COL5A1: variants seen among roughly 807,000 people sequenced by gnomAD.
COL5A1 encodes the protein collagen alpha-1(V) chain.
A neutral mutation model predicts 263.7 loss-of-function variants in COL5A1; 16 were observed. The ratio of observed to expected loss-of-function variants is 0.06; its 90% confidence interval spans 0.04 to 0.09. COL5A1 has a LOEUF of 0.09. Ranked by LOEUF, COL5A1 falls within the 10% of genes least tolerant of loss-of-function variation. The pLI is 1.00. For synonymous variants in COL5A1, 1,012 were observed against 1,004.5 expected (o/e 1.01, Z -0.14); for missense variants, 2,036 against 2,540.5 (o/e 0.80, Z 4.27).
intron 64 of COL5A1, among the ~76,000 whole-genome samples, chr9:134,832,163 T>C (rs1251981519): frequency 6.6e-6 from 1 of 152,098 alleles, no homozygotes; most frequent in Admixed American, 6.5e-5. Flanking sequence ...CCCAGCACTT[T>C]GGGAGGCTGA....
In COL5A1 at chr9:134,761,920, C is replaced by A. The variant is rs1280597047; in HGVS notation, c.1936-5C>A. 6.2e-7 allele frequency: 1 copy of A among 1,613,114 alleles called. No individual in the cohort carries two copies. The highest frequency in any genetic ancestry group is 1.3e-5 in the African/African-American group (1 of 74,902). On this transcript the variant is annotated splice_polypyrimidine_tract_variant and splice_region_variant and intron_variant, in intron 18 of 65. Coordinates refer to ENST00000371817, the MANE Select transcript of COL5A1 (RefSeq NM_000093.5). ...GAGGCTGACGTTGACCCTTTCACTT[C>A]CTAGGGTGACCCTGGTCCTTCCGGC...
At chr9:134,747,804 C>A (rs1216979625) in intron 11 of COL5A1, among the ~76,000 whole-genome samples, 1 of 146,298 alleles carries the variant, frequency 6.8e-6, no homozygotes, top group Non-Finnish European at 1.5e-5. Flanking sequence ...TACACACATG[C>A]AGACACATGC....
At chr9:134,746,275 C>A (rs1835509737) in intron 11 of COL5A1, among the ~76,000 whole-genome samples, 1 of 152,208 alleles carries the variant, frequency 6.6e-6, no homozygotes, top group African/African-American at 2.4e-5. Context: ...TGGAGAGACG[C>A]CTGCACACTG....
At position 134,825,911 on chromosome 9, in the gene COL5A1, A is replaced by G. The variant is rs374122742; in HGVS notation, c.5067+7A>G. The G allele has an allele frequency of 2.3e-5, 37 of 1,598,416 alleles. No individual in the cohort carries two copies. Among genetic ancestry groups the G allele is most frequent in the Non-Finnish European group, 3.1e-5 (36 of 1,166,392 alleles). On this transcript the variant is annotated splice_region_variant and intron_variant, in intron 63 of 65. Transcript: ENST00000371817. ...TGACAAGAAGTCCGAAGGGGTGAGT[A>G]GCTGTGTCCCTCCATGGCCCCAGCG...
chr9:134,701,445 T>C, intron 4 of COL5A1, 112 bp downstream of exon 4: 1 of 1,040,018 alleles, frequency 9.6e-7, no homozygotes, highest in South Asian at 1.4e-5. Context: ...GGCGGTCCAC[T>C]GTGGTCACCG....
At chr9:134,788,569 A>G (rs541070541) in intron 31 of COL5A1, among the ~76,000 whole-genome samples, 76 of 140,664 alleles carry the variant, frequency 5.4e-4, no homozygotes, top group Admixed American at 1.1e-3. Flanking sequence ...GATGGAATGA[A>G]TGGGTAGGTG....
At chr9:134,749,244 CAAAA>C (rs559744305) in intron 11 of COL5A1, among the ~76,000 whole-genome samples, 5 of 151,750 alleles carry the variant, frequency 3.3e-5, no homozygotes, top group Admixed American at 1.3e-4. Context: ...CAAAACAAAA[CAAAA>C]AAAACAAAAC....
At position 134,819,979 on chromosome 9, in the gene COL5A1, G is replaced by A. The variant is rs567779843; in HGVS notation, c.4447-137G>A. On this transcript the variant is annotated intron_variant, in intron 57 of 65. Transcript: ENST00000371817. ...GTCACCTGGCCCCTCTGTTGAGCCTGTTCCCCTTCCAGGGGAGGCTGACCA... is the reference window on the plus strand; with the variant it reads ...GTCACCTGGCCCCTCTGTTGAGCCTATTCCCCTTCCAGGGGAGGCTGACCA... The A allele has an allele frequency of 2.0e-3, 1,558 of 767,388 alleles. 5 individuals are homozygous for A. The highest frequency in any genetic ancestry group is 4.0e-3 in the South Asian group (288 of 71,532). The allele number at this position is 767,388 out of a possible 1,614,324, so 47.5% of individuals were successfully genotyped here. A position where few individuals can be genotyped will look rare whatever the true frequency, so the allele number is the denominator to read the frequency against.
At chr9:134,774,991 G>A (rs1315769085) in intron 27 of COL5A1, 79 bp downstream of exon 27, 31 of 1,326,436 alleles carry the variant, frequency 2.3e-5, no homozygotes, top group African/African-American at 5.8e-5. Context: ...CTGGTTTTAG[G>A]GAATTCTCTG....
rs912798375 is a variant in COL5A1 at position 134,652,556 on chromosome 9, G to A, written c.109+10260G>A. The stretch of plus-strand genomic sequence containing the variant: ...TCTGATTGTCGCACCTGGGGTGGGG[G>A]CAGGGCTATCGGCCTGTAGTTGGGG... On this transcript the variant is annotated intron_variant, in intron 1 of 65. Coordinates refer to ENST00000371817, the MANE Select transcript of COL5A1 (RefSeq NM_000093.5). The surrounding 1 kb of genome is among the most constrained non-coding windows in gnomAD (Gnocchi z 4.4). Among the ~76,000 whole-genome samples the A allele has an allele frequency of 7.9e-5, 12 of 152,248 alleles. No individual in the cohort carries two copies. Among genetic ancestry groups the A allele is most frequent in the African/African-American group, 2.4e-4 (10 of 41,542 alleles).
chr9:134,675,896 C>A (rs769851990), intron 1 of COL5A1, among the ~76,000 whole-genome samples: 1 of 152,200 alleles, frequency 6.6e-6, no homozygotes, highest in Non-Finnish European at 1.5e-5. Flanking sequence ...TGTGAGCCAG[C>A]AGTGTTGCTT....
chr9:134,665,361 G>T (rs1159583160), intron 1 of COL5A1, among the ~76,000 whole-genome samples: 2 of 152,212 alleles, frequency 1.3e-5, no homozygotes, highest in Non-Finnish European at 2.9e-5. Context: ...AACAAAACAA[G>T]CACAGCAGCT....
At chr9:134,658,788 G>A (rs918782501) in intron 1 of COL5A1, among the ~76,000 whole-genome samples, 21 of 152,222 alleles carry the variant, frequency 1.4e-4, no homozygotes, top group South Asian at 6.2e-4. Flanking sequence ...GGAGGGGAGG[G>A]GCTGCTGGGC....
At chr9:134,723,498 C>T (rs1834540704) in intron 4 of COL5A1, among the ~76,000 whole-genome samples, 1 of 152,238 alleles carries the variant, frequency 6.6e-6, no homozygotes, top group East Asian at 1.9e-4. Flanking sequence ...CCGCTGCACA[C>T]ATAGGCTCCA....
chr9:134,840,284 C>G (rs1485087191), intron 65 of COL5A1, among the ~76,000 whole-genome samples: 18 of 152,094 alleles, frequency 1.2e-4, no homozygotes, highest in Non-Finnish European at 1.0e-4. Context: ...AAAGGTGTTC[C>G]TATCAAGGCA....
chr9:134,829,010 GCA>G (rs1356415458), intron 63 of COL5A1, among the ~76,000 whole-genome samples: 1 of 151,996 alleles, frequency 6.6e-6, no homozygotes, highest in East Asian at 1.9e-4. Context: ...ACACACACAC[GCA>G]CACAGTCTGG....
intron 5 of COL5A1, 21 bp from the exon 6 acceptor site, chr9:134,728,649 G>A (rs368099939): frequency 2.5e-6 from 4 of 1,613,620 alleles, no homozygotes; most frequent in Admixed American, 1.7e-5. Context: ...GCTTCCTCAC[G>A]GGGCCGCAAT....
intron 14 of COL5A1, 84 bp from the exon 15 acceptor site, chr9:134,753,766 G>GGCCCCCCCCC: frequency 3.3e-6 from 2 of 615,308 alleles, no homozygotes; most frequent in Non-Finnish European, 6.1e-6. Context: ...CCCTCCCCCT[G>GGCCCCCCCCC]CCCCTCCCCT....
At chr9:134,738,231 G>A (rs139777218) in intron 9 of COL5A1, among the ~76,000 whole-genome samples, 7 of 152,242 alleles carry the variant, frequency 4.6e-5, no homozygotes, top group African/African-American at 9.6e-5. Flanking sequence ...CTGGTCTTGC[G>A]GGAGCCTGTG....
Sources: allele counts gnomAD v4.1 joint callset (sites outside exome capture counted in the v4.1 genomes callset), GRCh38; gene constraint gnomAD v4.1.1; non-coding constraint Gnocchi (gnomAD v3.1); transcripts MANE v1.5; gene names NCBI Gene and HGNC (gene_info 2026-07-23, HGNC 2026-07-21).